Variants in PTPRD observed in about 807,000 individuals in gnomAD.
PTPRD encodes receptor-type tyrosine-protein phosphatase delta.
Under a neutral mutation model 214.5 loss-of-function variants are expected in PTPRD, and 34 were observed. That is an observed-to-expected ratio of 0.16 (90% CI 0.12 to 0.21). PTPRD has a LOEUF of 0.21. Ranked by LOEUF, PTPRD falls within the 10% of genes least tolerant of loss-of-function variation. The pLI is 1.00. For missense variants in PTPRD, 2,545 were observed against 2,398.7 expected (o/e 1.06, Z -1.27); for synonymous variants, 1,128 against 845.7 (o/e 1.33, Z -5.79).
chr9:10,535,997 C>G (rs1202681659), intron 2 of PTPRD, among the ~76,000 whole-genome samples: 1 of 152,046 alleles, frequency 6.6e-6, no homozygotes, highest in African/African-American at 2.4e-5. Flanking sequence ...GAAATAATAA[C>G]CGTGAAGAGG....
At chr9:10,188,837 T>C (rs1419366729) in intron 3 of PTPRD, among the ~76,000 whole-genome samples, 3 of 152,052 alleles carry the variant, frequency 2.0e-5, no homozygotes, top group Admixed American at 2.0e-4. Context: ...ATTGTATCAG[T>C]TATTTATGAG....
chr9:8,999,582 T>C (rs1240867080), intron 11 of PTPRD, among the ~76,000 whole-genome samples: 2 of 152,108 alleles, frequency 1.3e-5, no homozygotes, highest in South Asian at 2.1e-4. Flanking sequence ...TTTTGTGATA[T>C]TGCTTTATTG....
At chr9:9,155,193 G>T (rs1485212225) in intron 10 of PTPRD, among the ~76,000 whole-genome samples, 2 of 152,138 alleles carry the variant, frequency 1.3e-5, no homozygotes, top group Non-Finnish European at 2.9e-5. Context: ...CTAGAAGTGG[G>T]TAATGTATCG....
intron 5 of PTPRD, among the ~76,000 whole-genome samples, chr9:9,802,288 T>A (rs1015111694): frequency 3.9e-5 from 6 of 151,948 alleles, no homozygotes; most frequent in African/African-American, 1.4e-4. Context: ...GTTTCCCTCG[T>A]TTTTCATCCA....
Position 10,590,752 on chromosome 9 carries a change from C to A in PTPRD, c.-600+21646G>T, listed in dbSNP as rs865897060. Among the ~76,000 whole-genome samples the A allele has an allele frequency of 2.0e-5, 3 of 151,944 alleles. No homozygotes were observed. In the East Asian group the frequency reaches 5.8e-4, roughly 30 times the overall value. ...GAAGCAGTCTCCTCCTCTATACAGG[C>A]ACTCCCCCAAAATCTCCTTTAGGAG... On this transcript the variant is annotated intron_variant, in intron 2 of 45. Coordinates refer to ENST00000381196, the MANE Select transcript of PTPRD (RefSeq NM_002839.4).
chr9:9,960,838 C>T (rs982337680), intron 4 of PTPRD, among the ~76,000 whole-genome samples: 4 of 152,042 alleles, frequency 2.6e-5, no homozygotes, highest in African/African-American at 9.7e-5. Context: ...TGGACTTCTG[C>T]ACAGCAAAAG....
intron 9 of PTPRD, among the ~76,000 whole-genome samples, chr9:9,188,077 C>T (rs2099932772): frequency 6.6e-6 from 1 of 152,054 alleles, no homozygotes; most frequent in Non-Finnish European, 1.5e-5. Context: ...TTTTCCTCCT[C>T]ACCAAAGGTA....
chr9:8,724,271 T>C (rs564248933), intron 12 of PTPRD, among the ~76,000 whole-genome samples: 2 of 152,334 alleles, frequency 1.3e-5, no homozygotes, highest in East Asian at 3.9e-4. Flanking sequence ...CTTCTTAACA[T>C]GGTTTTCTCC....
intron 9 of PTPRD, among the ~76,000 whole-genome samples, chr9:9,381,839 T>C (rs897144901): frequency 2.0e-5 from 3 of 152,106 alleles, no homozygotes; most frequent in South Asian, 4.2e-4. Flanking sequence ...TTCCCCAAGA[T>C]TGCTTTGGCT....
At chr9:8,777,043 G>T (rs564429363) in intron 11 of PTPRD, among the ~76,000 whole-genome samples, 3 of 101,856 alleles carry the variant, frequency 2.9e-5, no homozygotes, top group Non-Finnish European at 4.4e-5. Flanking sequence ...TGCAGTGGCA[G>T]GATCACGGCT....
rs184627527 is a variant in PTPRD at position 9,213,556 on chromosome 9, T to A, written c.-202-30193A>T. Among the ~76,000 whole-genome samples the A allele has an allele frequency of 2.6e-3, 401 of 152,254 alleles. 6 individuals carry two copies. Among genetic ancestry groups the A allele is most frequent in the Non-Finnish European group, 5.7e-4 (39 of 68,026 alleles). ...TGTTTGTTTTGATAATAGGCAACCA[T>A]TGGTTAGGTCTGCCTCATTTGGGAA... On this transcript the variant is annotated intron_variant, in intron 9 of 45. Transcript: ENST00000381196.
At chr9:9,572,286 A>G (rs758473019) in intron 8 of PTPRD, among the ~76,000 whole-genome samples, 36 of 151,524 alleles carry the variant, frequency 2.4e-4, no homozygotes, top group Non-Finnish European at 3.1e-4. Context: ...CTGATTTTCA[A>G]ACCCATAATT....
chr9:9,943,672 G>C (rs2092042303), intron 4 of PTPRD, among the ~76,000 whole-genome samples: 1 of 152,050 alleles, frequency 6.6e-6, no homozygotes, highest in South Asian at 2.1e-4. Flanking sequence ...TTTCAAGAAA[G>C]CAACATCTGA....
chr9:10,553,637 G>T (rs182078828), intron 2 of PTPRD, among the ~76,000 whole-genome samples: 1 of 152,012 alleles, frequency 6.6e-6, no homozygotes, highest in Non-Finnish European at 1.5e-5. Context: ...TATATTTTAG[G>T]ACTCTTTCTA....
chr9:10,545,314 A>G (rs1012885311), intron 2 of PTPRD, among the ~76,000 whole-genome samples: 2 of 152,184 alleles, frequency 1.3e-5, no homozygotes, highest in African/African-American at 2.4e-5. Context: ...ATAGCCTACC[A>G]TGAAGATGAA....
chr9:9,639,568 T>A (rs1484190073), intron 7 of PTPRD, among the ~76,000 whole-genome samples: 1 of 152,220 alleles, frequency 6.6e-6, no homozygotes, highest in African/African-American at 2.4e-5. Flanking sequence ...GCCAGGTAGA[T>A]AACAGTTATA....
chr9:10,010,736 C>T (rs1342398207), intron 4 of PTPRD, among the ~76,000 whole-genome samples: 1 of 151,848 alleles, frequency 6.6e-6, no homozygotes, highest in Non-Finnish European at 1.5e-5. Flanking sequence ...GGTTTGAAAA[C>T]AATTTTATTT....
chr9:10,540,529 A>G (rs1213114221), intron 2 of PTPRD, among the ~76,000 whole-genome samples: 1 of 152,084 alleles, frequency 6.6e-6, no homozygotes, highest in Non-Finnish European at 1.5e-5. Flanking sequence ...GTAGTTTTGG[A>G]GTTTTTAACC....
intron 7 of PTPRD, among the ~76,000 whole-genome samples, chr9:9,655,439 T>C (rs2154375839): frequency 6.7e-6 from 1 of 149,146 alleles, no homozygotes; most frequent in South Asian, 2.1e-4. Flanking sequence ...CGTGGTGGCA[T>C]GTGTTTGTGG....
Sources: allele counts gnomAD v4.1 joint callset (sites outside exome capture counted in the v4.1 genomes callset), GRCh38; gene constraint gnomAD v4.1.1; transcripts MANE v1.5; gene names NCBI Gene and HGNC (gene_info 2026-07-23, HGNC 2026-07-21).